Variants in ZBTB40 observed in about 807,000 individuals in gnomAD.
The protein encoded by ZBTB40 is zinc finger and BTB domain containing 40.
In ZBTB40, 60 loss-of-function variants were observed where a neutral mutation model predicts 117.5. The ratio of observed to expected loss-of-function variants is 0.51; its 90% CI spans 0.41 to 0.63. The LOEUF (loss-of-function observed/expected upper bound fraction) is 0.63. Among genes scored for constraint, ZBTB40 ranks in the 30% least tolerant of loss-of-function variants. The pLI is 0.00. For synonymous variants in ZBTB40, 525 were observed against 577.1 expected, an observed-to-expected ratio of 0.91 and a Z score of 1.29; for missense variants, 1,287 against 1,498.5, an observed-to-expected ratio of 0.86 and a Z score of 2.33.
In ZBTB40 at chr1:22,496,979, C is replaced by G. The variant is rs114113527; in HGVS notation, c.832-4513C>G. 3.4e-3 allele frequency among the ~76,000 whole-genome samples: 523 copies of G among 152,164 alleles called. 5 individuals carry two copies. The highest frequency in any genetic ancestry group is 0.012 in the African/African-American group (493 of 41,530). On this transcript the variant is annotated intron_variant, in intron 3 of 17. Coordinates refer to ENST00000375647, the MANE Select transcript of ZBTB40 (RefSeq NM_014870.4). ...CAGCCTTCAGTCTTTTGCCAAAGGC[C>G]GGAGAGCCCTTGGCAAACCACCGGT...
intron 10 of ZBTB40, 77 bp downstream of exon 10, chr1:22,511,424 A>G (rs1458996713): frequency 1.0e-5 from 16 of 1,573,558 alleles, no homozygotes; most frequent in East Asian, 4.5e-5. Flanking sequence ...ACAGCATTTC[A>G]TATCATAGTT....
At chr1:22,469,466 C>G (rs1484020505) in intron 1 of ZBTB40, among the ~76,000 whole-genome samples, 1 of 152,176 alleles carries the variant, frequency 6.6e-6, no homozygotes, top group Non-Finnish European at 1.5e-5. Flanking sequence ...ACTACAGGTA[C>G]ATGCCATTGC....
In ZBTB40 at chr1:22,497,958, C is replaced by G. The variant is rs180841245; in HGVS notation, c.832-3534C>G. On this transcript the variant is annotated intron_variant, in intron 3 of 17. Transcript: ENST00000375647. ...CCCAGCCCTCAGCAGTCAAGGGAGGCCTGAGTGAACAAGAATATAGTGTAA... is the reference window on the plus strand; with the variant it reads ...CCCAGCCCTCAGCAGTCAAGGGAGGGCTGAGTGAACAAGAATATAGTGTAA... 5.9e-5 allele frequency among the ~76,000 whole-genome samples: 9 copies of G among 152,136 alleles called. No individual in the cohort carries two copies. The East Asian group carries it at 1.7e-3, about 29-fold the overall frequency.
chr1:22,431,537 G>A (rs780362704), intron 1 of ZBTB40, among the ~76,000 whole-genome samples: 26 of 151,442 alleles, frequency 1.7e-4, no homozygotes, highest in Non-Finnish European at 3.5e-4. Flanking sequence ...TCAGGAGTTC[G>A]AAACCAGCCT....
rs1378849956 is a variant in ZBTB40, at chr1:22,490,477, G to C, written c.529G>C (p.Glu177Gln). The change falls in exon 2 of 18, where the codon GAA becomes CAA. Residue 177 changes from glutamate to glutamine, a missense_variant. Physicochemically the swap from Glu to Gln is conservative, Grantham distance 29 (BLOSUM62 2). Transcript: ENST00000375647. ...GGGCCCTGTGAAAGCTGAGACTGAGGAAGCAGCCCATTCAGTTTCACAAGA... is the reference window on the plus strand; with the variant it reads ...GGGCCCTGTGAAAGCTGAGACTGAGCAAGCAGCCCATTCAGTTTCACAAGA... ...PGGPVKAETEEAAHSVSQEMS... is the reference protein window; with the variant it reads ...PGGPVKAETEQAAHSVSQEMS... 5 of 1,599,346 alleles carry C rather than the reference G, an allele frequency of 3.1e-6. No homozygotes were observed. In the Admixed American group the frequency reaches 5.2e-5, roughly 16 times the overall value.
intron 1 of ZBTB40, among the ~76,000 whole-genome samples, chr1:22,488,505 T>C (rs143444494): frequency 3.3e-5 from 5 of 152,214 alleles, no homozygotes; most frequent in Non-Finnish European, 7.4e-5. Context: ...GGCACAGATA[T>C]ACTAAGCATG....
chr1:22,462,709 A>C (rs1282174960), intron 1 of ZBTB40, among the ~76,000 whole-genome samples: 1 of 152,104 alleles, frequency 6.6e-6, no homozygotes, highest in Non-Finnish European at 1.5e-5. Context: ...ATTTTTAATG[A>C]GTTTAAGGTT....
In ZBTB40 at chr1:22,508,751, G is replaced by A; in HGVS notation, c.1699+20G>A. On this transcript the variant is annotated intron_variant, in intron 8 of 17. Transcript: ENST00000375647. ...GGGCAGGTAAGTTACCTGCCCTCTG[G>A]GGGGGTTTTGCCCCCACTAGAGATG... 1.2e-6 allele frequency: 2 copies of A among 1,611,470 alleles called. No homozygotes were observed. The highest frequency in any genetic ancestry group is 8.5e-7 in the Non-Finnish European group (1 of 1,179,404).
In ZBTB40 at chr1:22,530,885, T is replaced by G. The variant is rs913305765; in HGVS notation, c.*4489T>G. ...CACTTGGAGTCTCATTCCTAAACCC[T>G]CCTTCCCAGGGAGCAAGTGTGGGGC... On this transcript the variant is annotated 3_prime_UTR_variant, in exon 18 of 18. Coordinates refer to ENST00000375647, the MANE Select transcript of ZBTB40 (RefSeq NM_014870.4). 6.6e-6 allele frequency: 1 copy of G among 152,116 alleles called. No individual in the cohort carries two copies. Among genetic ancestry groups the G allele is most frequent in the Non-Finnish European group, 1.5e-5 (1 of 68,024 alleles). The allele number at this position is 152,116 out of a possible 1,614,324, so 9.4% of individuals were successfully genotyped here. A position where few individuals can be genotyped will look rare whatever the true frequency, so the allele number is the denominator to read the frequency against.
intron 1 of ZBTB40, chr1:22,452,550 A>G (rs1640905738): frequency 6.6e-6 from 1 of 152,182 alleles, no homozygotes; most frequent in South Asian, 2.1e-4. Flanking sequence ...TGTATTGTCT[A>G]TGGCTGCTTT....
chr1:22,446,464 A>G (rs1289518975), intron 1 of ZBTB40, among the ~76,000 whole-genome samples: 1 of 152,074 alleles, frequency 6.6e-6, no homozygotes, highest in East Asian at 1.9e-4. Flanking sequence ...AACTCTACCT[A>G]ACCATATCAT....
Position 22,527,615 on chromosome 1 carries a change from A to C in ZBTB40, c.*1219A>C, listed in dbSNP as rs1418193434. 1 of 152,406 alleles carries C rather than the reference A, an allele frequency of 6.6e-6. No individual in the cohort carries two copies. Among genetic ancestry groups the C allele is most frequent in the Non-Finnish European group, 1.5e-5 (1 of 68,056 alleles). 9.4% of individuals were successfully genotyped at this position (152,406 alleles called of 1,614,324 possible). Reference sequence around the variant, plus strand: ...GAGTCTGCTGGTGCGGTGTTTACACACCAGGCAGGGCTGTCTGCCACCTTG... The same window carrying C: ...GAGTCTGCTGGTGCGGTGTTTACACCCCAGGCAGGGCTGTCTGCCACCTTG... On this transcript the variant is annotated 3_prime_UTR_variant, in exon 18 of 18. Transcript: ENST00000375647.
intron 14 of ZBTB40, among the ~76,000 whole-genome samples, chr1:22,521,281 C>T (rs1274490582): frequency 6.6e-6 from 1 of 152,210 alleles, no homozygotes; most frequent in African/African-American, 2.4e-5. Context: ...CCTGGGAGCC[C>T]TGCCCTGTAG....
chr1:22,508,729 C>A lies in ZBTB40; in HGVS notation c.1697C>A (p.Ala566Glu). Residue 566 changes from alanine to glutamate, a missense_variant and splice_region_variant, in exon 8 of 18, where the codon GCA becomes GAA. Ala to Glu is a moderately radical substitution (Grantham distance 107). This residue lies in a region of ZBTB40 where 870 missense variants were observed against 934.4 expected (regional missense o/e 0.93). Transcript: ENST00000375647. Reference sequence around the variant, plus strand: ...CCTGGTGCCGATGCTTTCTTCCGGGCAGGTAAGTTACCTGCCCTCTGGGGG... The same window carrying A: ...CCTGGTGCCGATGCTTTCTTCCGGGAAGGTAAGTTACCTGCCCTCTGGGGG... ...REPGADAFFR[A>E]VTTPEHATLE... is the part of the protein sequence containing the mutation. The A allele has an allele frequency of 1.2e-6, 2 of 1,613,326 alleles. No individual in the cohort carries two copies. Among genetic ancestry groups the A allele is most frequent in the Non-Finnish European group, 1.7e-6 (2 of 1,179,990 alleles).
chr1:22,453,295 A>G (rs1640926013), intron 1 of ZBTB40, among the ~76,000 whole-genome samples: 1 of 152,348 alleles, frequency 6.6e-6, no homozygotes, highest in Non-Finnish European at 1.5e-5. Flanking sequence ...TTAGCTATTC[A>G]TTAGTGGTTT....
At chr1:22,444,466 C>T (rs1291085150) in intron 1 of ZBTB40, among the ~76,000 whole-genome samples, 1 of 151,994 alleles carries the variant, frequency 6.6e-6, no homozygotes, top group African/African-American at 2.4e-5. Flanking sequence ...AGGCAGTCTC[C>T]CAATAGATAG....
intron 1 of ZBTB40, among the ~76,000 whole-genome samples, chr1:22,481,392 T>C (rs1022824578): frequency 6.6e-6 from 1 of 152,206 alleles, no homozygotes; most frequent in African/African-American, 2.4e-5. Context: ...CATTTTCCTT[T>C]CATTGCTCAA....
rs747719860 is a variant in ZBTB40 at position 22,491,541 on chromosome 1, C to T, written c.831+8C>T. 36 of 1,613,632 alleles carry T rather than the reference C, an allele frequency of 2.2e-5. No homozygotes were observed. Among genetic ancestry groups the T allele is most frequent in the Non-Finnish European group, 2.8e-5 (33 of 1,179,806 alleles). On this transcript the variant is annotated splice_region_variant and intron_variant, in intron 3 of 17. Coordinates refer to ENST00000375647, the MANE Select transcript of ZBTB40 (RefSeq NM_014870.4). ...AAAGGTCCACAGAAGGAGGTAGGCACCTCTGACTTTTGTACTTGTTTGCTA... is the reference window on the plus strand; with the variant it reads ...AAAGGTCCACAGAAGGAGGTAGGCATCTCTGACTTTTGTACTTGTTTGCTA...
At chr1:22,463,598 A>G (rs1434600669) in intron 1 of ZBTB40, among the ~76,000 whole-genome samples, 3 of 152,172 alleles carry the variant, frequency 2.0e-5, no homozygotes, top group African/African-American at 4.8e-5. Context: ...CACAATCCCT[A>G]ATCACTCATT....
Sources: allele counts gnomAD v4.1 joint callset (sites outside exome capture counted in the v4.1 genomes callset), GRCh38; gene constraint gnomAD v4.1.1; regional missense constraint gnomAD v4.1.1; transcripts MANE v1.5; gene names NCBI Gene and HGNC (gene_info 2026-07-23, HGNC 2026-07-21).